Variants in ALK observed in about 807,000 individuals in gnomAD.
The protein encoded by ALK is ALK receptor tyrosine kinase.
In ALK, 74 loss-of-function variants were observed where a neutral mutation model predicts 163.1. The ratio of observed to expected loss-of-function variants is 0.45; its 90% confidence interval spans 0.38 to 0.55. The LOEUF (loss-of-function observed/expected upper bound fraction) is 0.55. Ranked by LOEUF, ALK falls within the 20% of genes least tolerant of loss-of-function variation. The pLI, the probability that ALK is intolerant of heterozygous loss-of-function variation, is 0.00. For synonymous variants in ALK, 960 were observed against 843.2 expected (o/e 1.14, Z -2.40); for missense variants, 2,063 against 2,105.3 (o/e 0.98, Z 0.39).
intron 1 of ALK, among the ~76,000 whole-genome samples, chr2:29,759,520 A>G (rs1339888812): frequency 1.3e-5 from 2 of 152,226 alleles, no homozygotes; most frequent in Admixed American, 6.5e-5. Flanking sequence ...GGGACAGGAT[A>G]CAGTGCAGGA....
At chr2:29,223,149 A>G (rs758709701) in intron 20 of ALK, among the ~76,000 whole-genome samples, 193 bp downstream of exon 20, 3 of 152,204 alleles carry the variant, frequency 2.0e-5, no homozygotes, top group Non-Finnish European at 4.4e-5. Context: ...TATAAACTCC[A>G]TAAACTATGG....
At chr2:29,264,866 CT>C (rs1665175866) in intron 11 of ALK, among the ~76,000 whole-genome samples, 3 of 152,160 alleles carry the variant, frequency 2.0e-5, no homozygotes, top group Non-Finnish European at 4.4e-5. Context: ...TTTGTTTTGT[CT>C]CTTACGCATG....
intron 20 of ALK, 33 bp from the exon 21 acceptor site, chr2:29,222,640 T>TCAAA (rs763556189): frequency 1.9e-6 from 3 of 1,596,438 alleles, no homozygotes; most frequent in East Asian, 2.2e-5. Flanking sequence ...GGAGACAGAG[T>TCAAA]CAAACAGGCC....
At chr2:29,423,434 G>T (rs577445173) in intron 4 of ALK, among the ~76,000 whole-genome samples, 102 of 152,294 alleles carry the variant, frequency 6.7e-4, no homozygotes, top group Middle Eastern at 6.8e-3. Flanking sequence ...AGTGTCCACT[G>T]GGGAGCGAAG....
chr2:29,493,903 A>G (rs1671961856), intron 4 of ALK, among the ~76,000 whole-genome samples: 1 of 152,218 alleles, frequency 6.6e-6, no homozygotes, highest in East Asian at 1.9e-4. Flanking sequence ...CCTCAAGCAC[A>G]ATGAAGGAGA....
intron 4 of ALK, among the ~76,000 whole-genome samples, chr2:29,451,499 A>G (rs946391061): frequency 6.6e-6 from 1 of 152,064 alleles, no homozygotes; most frequent in Non-Finnish European, 1.5e-5. Flanking sequence ...CAGCCAACCT[A>G]CACTACTTGC....
chr2:29,262,876 C>G (rs1202998781), intron 11 of ALK, among the ~76,000 whole-genome samples: 1 of 152,198 alleles, frequency 6.6e-6, no homozygotes, highest in African/African-American at 2.4e-5. Flanking sequence ...TTCGCAGCCA[C>G]CCCCTGCTCC....
At chr2:29,444,863 T>C (rs2148085472) in intron 4 of ALK, among the ~76,000 whole-genome samples, 1 of 152,314 alleles carries the variant, frequency 6.6e-6, no homozygotes, top group East Asian at 1.9e-4. Flanking sequence ...AGTAGCTGAC[T>C]CCTTGGTCCT....
At chr2:29,336,672 A>G (rs767429242) in intron 5 of ALK, among the ~76,000 whole-genome samples, 11 of 152,132 alleles carry the variant, frequency 7.2e-5, no homozygotes, top group Non-Finnish European at 1.2e-4. Context: ...TGCTCTTTCA[A>G]TCGTGTTTTA....
intron 4 of ALK, among the ~76,000 whole-genome samples, chr2:29,481,848 T>C (rs1671666018): frequency 6.6e-6 from 1 of 152,178 alleles, no homozygotes; most frequent in South Asian, 2.1e-4. Context: ...AGGGTCAAGG[T>C]GATATTTAAA....
At chr2:29,650,189 GA>G (rs1676999447) in intron 3 of ALK, among the ~76,000 whole-genome samples, 2 of 152,146 alleles carry the variant, frequency 1.3e-5, no homozygotes, top group African/African-American at 2.4e-5. Context: ...AACATATCAA[GA>G]TGAACTGAAC....
intron 19 of ALK, 52 bp downstream of exon 19, chr2:29,225,409 T>C (rs764276395): frequency 1.5e-5 from 22 of 1,464,390 alleles, no homozygotes; most frequent in Non-Finnish European, 1.9e-5. Context: ...GAGACACTAT[T>C]CAGTCCTGCC....
chr2:29,479,631 T>C (rs1671613478), intron 4 of ALK, among the ~76,000 whole-genome samples: 1 of 152,242 alleles, frequency 6.6e-6, no homozygotes, highest in African/African-American at 2.4e-5. Context: ...TTTCTTCATG[T>C]ATTGCTGGGT....
At chr2:29,316,572 C>T (rs185576637) in intron 8 of ALK, among the ~76,000 whole-genome samples, 69 of 152,170 alleles carry the variant, frequency 4.5e-4, no homozygotes, top group Non-Finnish European at 9.4e-4. Context: ...TTAAACCCAG[C>T]GAAGAGTAAA....
chr2:29,400,051 G>A (rs905673950), intron 4 of ALK, among the ~76,000 whole-genome samples: 8 of 152,174 alleles, frequency 5.3e-5, no homozygotes, highest in African/African-American at 1.7e-4. Context: ...ACTTGGCTCC[G>A]TGTATGTTTG....
rs1026712983 is a variant in ALK at position 29,611,498 on chromosome 2, T to C, written c.953-79382A>G. Reference sequence around the variant, plus strand: ...GCTTTCCGTGTGCTTGTTTGTTTGCTGTTAACAGTTACATGAAATGGTTAT... The same window carrying C: ...GCTTTCCGTGTGCTTGTTTGTTTGCCGTTAACAGTTACATGAAATGGTTAT... On this transcript the variant is annotated intron_variant, in intron 3 of 28. Coordinates refer to ENST00000389048, the MANE Select transcript of ALK (RefSeq NM_004304.5). 2.0e-5 allele frequency among the ~76,000 whole-genome samples: 3 copies of C among 152,242 alleles called. No individual in the cohort carries two copies. The East Asian group carries it at 5.8e-4, about 29-fold the overall frequency.
intron 1 of ALK, among the ~76,000 whole-genome samples, chr2:29,862,188 A>C (rs1395212223): frequency 6.6e-6 from 1 of 152,190 alleles, no homozygotes; most frequent in East Asian, 1.9e-4. Context: ...TGAAAAGTTG[A>C]ACGTTTTTCC....
chr2:29,418,539 T>C (rs866727512), intron 4 of ALK, among the ~76,000 whole-genome samples: 70 of 152,222 alleles, frequency 4.6e-4, no homozygotes, highest in African/African-American at 1.5e-3. Context: ...TCCTTACCCC[T>C]CTTACCCTCC....
intron 4 of ALK, among the ~76,000 whole-genome samples, chr2:29,512,633 G>A (rs1349400645): frequency 2.7e-5 from 4 of 149,230 alleles, no homozygotes; most frequent in East Asian, 3.9e-4. Flanking sequence ...ACATAGTGTT[G>A]GAAGTTCTGG....
Sources: gnomAD v4.1 joint callset for allele counts (sites outside exome capture counted in the v4.1 genomes callset) on GRCh38, gnomAD v4.1.1 for gene constraint, MANE v1.5 for transcripts, NCBI Gene and HGNC (gene_info 2026-07-23, HGNC 2026-07-21) for gene names.